Variants in ETS1 observed in about 807,000 individuals in gnomAD.
ETS1 encodes ETS proto-oncogene 1, transcription factor.
A neutral mutation model predicts 58.6 loss-of-function variants in ETS1; 15 were observed. The ratio of observed to expected loss-of-function variants is 0.26; its 90% CI spans 0.17 to 0.39. The LOEUF is 0.39. Ranked by LOEUF, ETS1 falls within the 10% of genes least tolerant of loss-of-function variation. ETS1 has a pLI of 1.00. For synonymous variants in ETS1, 214 were observed against 218.2 expected, an observed-to-expected ratio of 0.98 and a Z score of 0.17; for missense variants, 417 against 610.5, an observed-to-expected ratio of 0.68 and a Z score of 3.34.
chr11:128,559,227 A>T (rs575435965), intron 2 of ETS1, among the ~76,000 whole-genome samples: 105 of 152,364 alleles, frequency 6.9e-4, no homozygotes, highest in Non-Finnish European at 1.2e-3. Context: ...AGCCACTTGA[A>T]GGCAAGGTGA....
intron 3 of ETS1, among the ~76,000 whole-genome samples, chr11:128,522,744 C>G (rs1863722328): frequency 6.6e-6 from 1 of 152,232 alleles, no homozygotes; most frequent in South Asian, 2.1e-4. Flanking sequence ...CATAGTTTTC[C>G]AAGTGCGTGT....
intron 7 of ETS1, among the ~76,000 whole-genome samples, chr11:128,482,006 G>A (rs1479304729): frequency 2.6e-5 from 4 of 152,070 alleles, no homozygotes; most frequent in African/African-American, 7.2e-5. Context: ...GGTAATCTCT[G>A]GAAAGCAAAC....
intron 3 of ETS1, among the ~76,000 whole-genome samples, chr11:128,504,432 T>C (rs571569862): frequency 6.6e-6 from 1 of 152,348 alleles, no homozygotes; most frequent in Middle Eastern, 3.4e-3. Flanking sequence ...TATAAAACTT[T>C]AACAACTCCT....
chr11:128,554,581 A>T (rs903724877), intron 3 of ETS1, among the ~76,000 whole-genome samples: 4 of 152,098 alleles, frequency 2.6e-5, no homozygotes, highest in African/African-American at 7.2e-5. Context: ...TTGGGAGTTT[A>T]TGTACTTCAG....
chr11:128,504,284 T>C (rs897257239), intron 3 of ETS1, among the ~76,000 whole-genome samples: 1 of 152,228 alleles, frequency 6.6e-6, no homozygotes, highest in African/African-American at 2.4e-5. Context: ...GAGCAATAAC[T>C]ATCAGCCCGA....
At chr11:128,573,845 C>T (rs369834184) in intron 1 of ETS1, among the ~76,000 whole-genome samples, 6 of 152,154 alleles carry the variant, frequency 3.9e-5, no homozygotes, top group East Asian at 3.8e-4. Context: ...TAAATACTTT[C>T]GAAAGTTCAT....
rs1476077273 is a variant in ETS1 at position 128,585,156 on chromosome 11, GA to G, written c.-15+2331del. Among the ~76,000 whole-genome samples, 6 of 28,956 alleles carry G rather than the reference GA, an allele frequency of 2.1e-4. 1 individual carries two copies. Among genetic ancestry groups the G allele is most frequent in the African/African-American group, 1.3e-3 (6 of 4,552 alleles). The allele number at this position is 28,956 out of a possible 152,430, so 19.0% of individuals were successfully genotyped here. On this transcript the variant is annotated intron_variant, in intron 1 of 9. Coordinates refer to ENST00000392668, the MANE Select transcript of ETS1 (RefSeq NM_001143820.2). The stretch of plus-strand genomic sequence containing the variant: ...GAAAGAAAAGAAAGAAAGAAAGAAA[GA>G]AAGAAAGAAAGAGAAAGAAAGAAAG...
intron 3 of ETS1, among the ~76,000 whole-genome samples, chr11:128,534,912 G>C (rs1863950972): frequency 6.6e-6 from 1 of 152,132 alleles, no homozygotes; most frequent in South Asian, 2.1e-4. Flanking sequence ...CTTTATAATA[G>C]AATGACTTAT....
rs1425067842 is a variant in ETS1, at chr11:128,460,548, A to G, written c.*1813T>C. 9 of 152,370 alleles carry G rather than the reference A, an allele frequency of 5.9e-5. No individual in the cohort carries two copies. The highest frequency in any genetic ancestry group is 1.9e-4 in the African/African-American group (8 of 41,462). The allele number at this position is 152,370 out of a possible 1,614,324, so 9.4% of individuals were successfully genotyped here. A position where few individuals can be genotyped will look rare whatever the true frequency, so the allele number is the denominator to read the frequency against. The stretch of plus-strand genomic sequence containing the variant: ...CTTTCCTTCTCTCATGGAAGTCCAT[A>G]AAAGCCACCCCTCCTCCTTATCCTT... On this transcript the variant is annotated 3_prime_UTR_variant, in exon 10 of 10. Transcript: ENST00000392668.
chr11:128,465,450 T>C (rs1296742989), intron 8 of ETS1, among the ~76,000 whole-genome samples: 2 of 152,204 alleles, frequency 1.3e-5, no homozygotes, highest in African/African-American at 2.4e-5. Context: ...CCTAAAGTCA[T>C]GAGCTACTTG....
At chr11:128,574,058 AT>A (rs1386183336) in intron 1 of ETS1, among the ~76,000 whole-genome samples, 1 of 152,180 alleles carries the variant, frequency 6.6e-6, no homozygotes, top group Non-Finnish European at 1.5e-5. Flanking sequence ...TTCAAGAAAA[AT>A]CAAGTAATAA....
chr11:128,582,281 A>G (rs1864890352), intron 1 of ETS1, among the ~76,000 whole-genome samples: 1 of 152,192 alleles, frequency 6.6e-6, no homozygotes, highest in South Asian at 2.1e-4. Flanking sequence ...TCTTAACCTC[A>G]CAATCAGTTT....
intron 8 of ETS1, among the ~76,000 whole-genome samples, chr11:128,468,322 T>G (rs1265267128): frequency 6.6e-6 from 1 of 152,202 alleles, no homozygotes; most frequent in Non-Finnish European, 1.5e-5. Context: ...AAAAATCCCC[T>G]GCTATTCTGG....
At position 128,585,069 on chromosome 11, in the gene ETS1, AAAGAAAG is replaced by A. The variant is rs1565421335; in HGVS notation, c.-15+2412_-15+2418del. The stretch of plus-strand genomic sequence containing the variant: ...GAAAGAAAGAAAGAAAGAAAGAAAG[AAAGAAAG>A]AGAAAGAAAGAAAGGAAAGAAAGAA... On this transcript the variant is annotated intron_variant, in intron 1 of 9. Transcript: ENST00000392668. Among the ~76,000 whole-genome samples the A allele has an allele frequency of 3.7e-3, 100 of 27,364 alleles. 5 individuals carry two copies. Among genetic ancestry groups the A allele is most frequent in the East Asian group, 5.9e-3 (7 of 1,178 alleles). 18.0% of individuals were successfully genotyped at this position (27,364 alleles called of 152,430 possible).
intron 2 of ETS1, among the ~76,000 whole-genome samples, chr11:128,561,611 G>T (rs535503089): frequency 6.6e-6 from 1 of 152,186 alleles, no homozygotes; most frequent in Admixed American, 6.5e-5. Flanking sequence ...AGAAATATTG[G>T]ATGTGTTTTA....
chr11:128,584,937 GAAAA>G (rs1565420621), intron 1 of ETS1, among the ~76,000 whole-genome samples: 2 of 63,872 alleles, frequency 3.1e-5, no homozygotes, highest in African/African-American at 1.1e-4. Context: ...AGAAAAAAGA[GAAAA>G]GAAAGAAAGA....
At chr11:128,537,375 T>G (rs942119338) in intron 3 of ETS1, among the ~76,000 whole-genome samples, 3 of 152,224 alleles carry the variant, frequency 2.0e-5, no homozygotes, top group South Asian at 4.1e-4. Flanking sequence ...CACTAATTCC[T>G]ACTTGTCTCC....
At chr11:128,555,368 C>T (rs1270921690) in intron 3 of ETS1, among the ~76,000 whole-genome samples, 1 of 152,170 alleles carries the variant, frequency 6.6e-6, no homozygotes, top group Non-Finnish European at 1.5e-5. Context: ...AAAAAGTAGC[C>T]TTCAAGTTAG....
intron 1 of ETS1, among the ~76,000 whole-genome samples, chr11:128,582,790 T>C (rs1050319725): frequency 1.8e-4 from 27 of 152,088 alleles, no homozygotes; most frequent in African/African-American, 5.3e-4. Flanking sequence ...CATTGAAAGA[T>C]TGCATAGCAC....
Sources: allele counts gnomAD v4.1 joint callset (sites outside exome capture counted in the v4.1 genomes callset), GRCh38; gene constraint gnomAD v4.1.1; transcripts MANE v1.5; gene names NCBI Gene and HGNC (gene_info 2026-07-23, HGNC 2026-07-21).